The following CYLD variants were observed in gnomAD, a reference collection of about 807,000 sequenced individuals.
CYLD encodes the protein CYLD lysine 63 deubiquitinase.
A neutral mutation model predicts 104.5 loss-of-function variants in CYLD; 26 were observed. The ratio of observed to expected loss-of-function variants is 0.25; its 90% confidence interval spans 0.18 to 0.35. CYLD has a LOEUF of 0.35. Ranked by LOEUF, CYLD falls within the 10% of genes least tolerant of loss-of-function variation. The pLI is 1.00. For synonymous variants in CYLD, 385 were observed against 399.9 expected, an observed-to-expected ratio of 0.96 and a Z score of 0.45; for missense variants, 703 against 1,136.1, an observed-to-expected ratio of 0.62 and a Z score of 5.48.
intron 5 of CYLD, among the ~76,000 whole-genome samples, chr16:50,759,091 A>T (rs1319634176): frequency 6.6e-6 from 1 of 152,044 alleles, no homozygotes; most frequent in Non-Finnish European, 1.5e-5. Context: ...AAATACAAAA[A>T]TTAGCCAGGC....
Position 50,750,209 on chromosome 16 carries a change from T to G in CYLD, c.504+7T>G. The G allele has an allele frequency of 6.2e-7, 1 of 1,613,618 alleles. No individual in the cohort carries two copies. The highest frequency in any genetic ancestry group is 8.5e-7 in the Non-Finnish European group (1 of 1,179,882). ...CTTTGGAGTTGAATTGCTGGTAAGT[T>G]TGATAAACCATTTTAGTAGTGTGTT... is the stretch of plus-strand genomic sequence containing the variant. On this transcript the variant is annotated splice_region_variant and intron_variant, in intron 3 of 18. Coordinates refer to ENST00000427738, the MANE Select transcript of CYLD (RefSeq NM_001378743.1).
intron 5 of CYLD, among the ~76,000 whole-genome samples, chr16:50,764,931 T>C (rs1302776611): frequency 6.6e-6 from 1 of 152,238 alleles, no homozygotes; most frequent in African/African-American, 2.4e-5. Flanking sequence ...GCTCATTTTA[T>C]AATGTTAACT....
rs1965822695 is a variant in CYLD at position 50,742,799 on chromosome 16, C to T, written c.-166C>T. 1 of 398,378 alleles carries T rather than the reference C, an allele frequency of 2.5e-6. No homozygotes were observed. Among genetic ancestry groups the T allele is most frequent in the Admixed American group, 4.4e-5 (1 of 22,700 alleles). 24.7% of individuals were successfully genotyped at this position (398,378 alleles called of 1,614,324 possible). A position where few individuals can be genotyped will look rare whatever the true frequency, so the allele number is the denominator to read the frequency against. ...TAGGGTGAGGATGGTTCTACACAGC[C>T]ACCCGGAGTTCCTTAGTTGAAAGGT... On this transcript the variant is annotated 5_prime_UTR_variant, in exon 2 of 19. Transcript: ENST00000427738.
rs762219304 is a variant in CYLD, at chr16:50,796,320, A to T, written c.2687-4A>T. ...CTATAAAGAGTTCTTCCTCTGTGCC[A>T]TAGGTGGTCAGAATGGCTTCAACAT... On this transcript the variant is annotated splice_region_variant and splice_polypyrimidine_tract_variant and intron_variant, in intron 18 of 18. Coordinates refer to ENST00000427738, the MANE Select transcript of CYLD (RefSeq NM_001378743.1). 5 of 1,614,134 alleles carry T rather than the reference A, an allele frequency of 3.1e-6. No homozygotes were observed. In the South Asian group the frequency reaches 4.4e-5, roughly 14 times the overall value.
chr16:50,776,454 C>A (rs1362610327), intron 7 of CYLD, among the ~76,000 whole-genome samples, 177 bp downstream of exon 7: 1 of 152,092 alleles, frequency 6.6e-6, no homozygotes, highest in African/African-American at 2.4e-5. Flanking sequence ...GCCAAGTGTT[C>A]CCAGCCTTTT....
chr16:50,789,058 A>G (rs1971155970), intron 14 of CYLD, among the ~76,000 whole-genome samples: 1 of 152,216 alleles, frequency 6.6e-6, no homozygotes, highest in Non-Finnish European at 1.5e-5. Flanking sequence ...GTGGGAAAAA[A>G]TCTTGAAGAA....
chr16:50,759,806 G>A (rs1416175845), intron 5 of CYLD, among the ~76,000 whole-genome samples: 1 of 152,144 alleles, frequency 6.6e-6, no homozygotes, highest in African/African-American at 2.4e-5. Context: ...TTAAAAGTTT[G>A]TAGTTCCCTG....
At position 50,800,918 on chromosome 16, in the gene CYLD, T is replaced by G; in HGVS notation, c.*4410T>G. 1 of 233,438 alleles carries G rather than the reference T, an allele frequency of 4.3e-6. No individual in the cohort carries two copies. Among genetic ancestry groups the G allele is most frequent in the East Asian group, 6.0e-5 (1 of 16,722 alleles). The allele number at this position is 233,438 out of a possible 1,614,324, so 14.5% of individuals were successfully genotyped here. On this transcript the variant is annotated 3_prime_UTR_variant, in exon 19 of 19. Transcript: ENST00000427738. ...AAGCGATGTTAAAATGAAAACTCAC[T>G]GCAAAAGAGGAGGCAGAGGAAGAAG...
rs549403730 is a variant in CYLD, at chr16:50,798,497, C to T, written c.*1989C>T. On this transcript the variant is annotated 3_prime_UTR_variant, in exon 19 of 19. Coordinates refer to ENST00000427738, the MANE Select transcript of CYLD (RefSeq NM_001378743.1). ...GTGTCAGTTATATGCAAATTCTGTA[C>T]CATTTTGTATCAGGGAATTGAGCAT... is the stretch of plus-strand genomic sequence containing the variant. 99 of 232,008 alleles carry T rather than the reference C, an allele frequency of 4.3e-4. No homozygotes were observed. The highest frequency in any genetic ancestry group is 2.1e-3 in the African/African-American group (93 of 45,252). 14.4% of individuals were successfully genotyped at this position (232,008 alleles called of 1,614,324 possible).
At chr16:50,786,463 T>C (rs1781203054) in intron 12 of CYLD, 1 of 182,276 alleles carries the variant, frequency 5.5e-6, no homozygotes, top group African/African-American at 2.4e-5. Flanking sequence ...ACTGGAGTTG[T>C]ATAAGAAATG....
At chr16:50,785,619 G>C (rs1271269818) in intron 12 of CYLD, 1 of 152,212 alleles carries the variant, frequency 6.6e-6, no homozygotes, top group East Asian at 1.9e-4. Flanking sequence ...TCCTAGAAGA[G>C]AGGAAGAATA....
At chr16:50,751,324 C>A (rs997933069) in intron 3 of CYLD, among the ~76,000 whole-genome samples, 1 of 152,100 alleles carries the variant, frequency 6.6e-6, no homozygotes, top group Non-Finnish European at 1.5e-5. Flanking sequence ...CTTTTTATAA[C>A]CAAATTAATG....
rs184218964 is a variant in CYLD at position 50,751,168 on chromosome 16, T to G, written c.505-436T>G. Among the ~76,000 whole-genome samples, 46 of 152,344 alleles carry G rather than the reference T, an allele frequency of 3.0e-4. 2 individuals carry two copies. The highest frequency in any genetic ancestry group is 1.0e-3 in the African/African-American group (43 of 41,574). On this transcript the variant is annotated intron_variant, in intron 3 of 18. Transcript: ENST00000427738. ...AACAAAGCTACTTAACTTCTCTCATTCTGCATCCTTACCTGTACAATGGTG... is the reference window on the plus strand; with the variant it reads ...AACAAAGCTACTTAACTTCTCTCATGCTGCATCCTTACCTGTACAATGGTG...
At position 50,799,358 on chromosome 16, in the gene CYLD, C is replaced by G. The variant is rs1177961523; in HGVS notation, c.*2850C>G. On this transcript the variant is annotated 3_prime_UTR_variant, in exon 19 of 19. Coordinates refer to ENST00000427738, the MANE Select transcript of CYLD (RefSeq NM_001378743.1). ...GAGTGGGGAAGGAGAGCAGTGTTAT[C>G]ATACATAGAGAGGCTAAATGTGTCC... 1 of 233,392 alleles carries G rather than the reference C, an allele frequency of 4.3e-6. No individual in the cohort carries two copies. The highest frequency in any genetic ancestry group is 8.5e-6 in the Non-Finnish European group (1 of 117,994). 14.5% of individuals were successfully genotyped at this position (233,392 alleles called of 1,614,324 possible).
At chr16:50,777,270 C>T (rs1366363504) in intron 7 of CYLD, among the ~76,000 whole-genome samples, 4 of 152,100 alleles carry the variant, frequency 2.6e-5, no homozygotes, top group Non-Finnish European at 4.4e-5. Context: ...TAGCTACACT[C>T]GCCCTCTCAC....
At chr16:50,766,473 T>G (rs546317453) in intron 5 of CYLD, among the ~76,000 whole-genome samples, 1 of 152,220 alleles carries the variant, frequency 6.6e-6, no homozygotes, top group Non-Finnish European at 1.5e-5. Context: ...GCTAGCACAA[T>G]AACTGTTCTG....
chr16:50,761,096 T>C (rs1967870029), intron 5 of CYLD, among the ~76,000 whole-genome samples: 1 of 152,236 alleles, frequency 6.6e-6, no homozygotes, highest in African/African-American at 2.4e-5. Flanking sequence ...TGTGAACTGT[T>C]TGCATCTGTT....
chr16:50,775,260 A>T, intron 6 of CYLD, 86 bp downstream of exon 6: 1 of 1,006,130 alleles, frequency 9.9e-7, no homozygotes, highest in Non-Finnish European at 1.5e-6. Flanking sequence ...CCTCTTCTAC[A>T]TTCCCTTGAT....
intron 4 of CYLD, among the ~76,000 whole-genome samples, chr16:50,753,709 A>T (rs1310857608): frequency 6.6e-6 from 1 of 152,162 alleles, no homozygotes; most frequent in Admixed American, 6.5e-5. Context: ...CCGTCTACTG[A>T]TGTAGTTCCC....
Sources: allele counts gnomAD v4.1 joint callset (sites outside exome capture counted in the v4.1 genomes callset), GRCh38; gene constraint gnomAD v4.1.1; transcripts MANE v1.5; gene names NCBI Gene and HGNC (gene_info 2026-07-23, HGNC 2026-07-21).